Variants in AGMO observed in about 807,000 individuals in gnomAD.
AGMO encodes alkylglycerol monooxygenase, also known as glyceryl-ether monooxygenase.
AGMO carries 75 observed loss-of-function variants against 60.2 expected under a neutral mutation model. That is an observed-to-expected ratio of 1.25 (90% CI 1.03 to 1.51). The LOEUF (loss-of-function observed/expected upper bound fraction) is 1.51. Among genes scored for constraint, AGMO ranks in the 40% most tolerant of loss-of-function variants. AGMO has a pLI of 0.00. For synonymous variants in AGMO, 261 were observed against 177.1 expected, an observed-to-expected ratio of 1.47 and a Z score of -3.76; for missense variants, 763 against 525.5, an observed-to-expected ratio of 1.45 and a Z score of -4.42.
chr7:15,192,599 C>T, the AGMO span, among the ~76,000 whole-genome samples: 1 of 152,104 alleles, frequency 6.6e-6, no homozygotes, highest in Admixed American at 6.5e-5. Context: ...GGTCCAGGTA[C>T]CAAGAGCGCA....
At chr7:15,151,122 G>C in the AGMO span, among the ~76,000 whole-genome samples, 1 of 152,006 alleles carries the variant, frequency 6.6e-6, no homozygotes, top group Admixed American at 6.6e-5. Context: ...GTTCACAATA[G>C]TCTCTAAGTT....
the AGMO span, among the ~76,000 whole-genome samples, chr7:15,121,445 A>G: frequency 6.6e-6 from 1 of 152,176 alleles, no homozygotes; most frequent in Non-Finnish European, 1.5e-5. Flanking sequence ...CCAACAGTGT[A>G]AAAGCGTTCC....
At chr7:15,401,869 C>A (rs1411189562) in intron 5 of AGMO, among the ~76,000 whole-genome samples, 3 of 151,988 alleles carry the variant, frequency 2.0e-5, no homozygotes, top group Non-Finnish European at 4.4e-5. Flanking sequence ...GAAATGAAAT[C>A]TCATAGTGGA....
chr7:15,422,345 A>C (rs940864764), intron 4 of AGMO, among the ~76,000 whole-genome samples: 2 of 152,056 alleles, frequency 1.3e-5, no homozygotes. Flanking sequence ...TGAAAGGAAG[A>C]GGGAAAATGC....
intron 2 of AGMO, among the ~76,000 whole-genome samples, chr7:15,559,581 C>T (rs545395217): frequency 3.9e-5 from 6 of 152,020 alleles, no homozygotes; most frequent in South Asian, 4.2e-4. Flanking sequence ...GGAGAGTGGA[C>T]GATCCAAAAG....
Position 15,416,031 on chromosome 7 carries a change from T to TC in AGMO, c.609+2526_609+2527insG, listed in dbSNP as rs1194100223. ...TTGTTTTTCTTTTCTTTTTTTCTTT[T>TC]TTTTTTTTTTTTTGGAGGTGGGCAG... On this transcript the variant is annotated intron_variant, in intron 5 of 12. Transcript: ENST00000342526. Among the ~76,000 whole-genome samples, 9 of 147,178 alleles carry TC rather than the reference T, an allele frequency of 6.1e-5. 1 individual carries two copies. Among genetic ancestry groups the TC allele is most frequent in the Admixed American group, 2.0e-4 (3 of 14,866 alleles).
At chr7:15,306,580 A>G (rs1288910167) in intron 12 of AGMO, 1 of 439,254 alleles carries the variant, frequency 2.3e-6, no homozygotes, top group East Asian at 7.2e-5. Context: ...GTAAAAAAAA[A>G]AAAGCATTAC....
At chr7:15,178,567 G>T in the AGMO span, among the ~76,000 whole-genome samples, 1 of 151,622 alleles carries the variant, frequency 6.6e-6, no homozygotes, top group African/African-American at 2.4e-5. Flanking sequence ...TCCTCTATCT[G>T]GTGTTTCTTC....
intron 5 of AGMO, among the ~76,000 whole-genome samples, chr7:15,394,826 G>A (rs75591571): frequency 0.041 from 6,196 of 152,106 alleles, 155 homozygotes; most frequent in Middle Eastern, 0.051. Flanking sequence ...ACCTTTAGAG[G>A]CATGGTCTAC....
chr7:15,521,255 T>A (rs1422470757), intron 3 of AGMO, among the ~76,000 whole-genome samples: 1 of 152,170 alleles, frequency 6.6e-6, no homozygotes. Context: ...CACAGCCGAA[T>A]TCTACCAGAG....
intron 5 of AGMO, among the ~76,000 whole-genome samples, chr7:15,404,303 T>C (rs867691517): frequency 6.6e-6 from 1 of 151,912 alleles, no homozygotes; most frequent in Non-Finnish European, 1.5e-5. Flanking sequence ...TATGATTACA[T>C]TATTCTTCAA....
chr7:15,430,973 T>G, intron 4 of AGMO, 32 bp downstream of exon 4: 1 of 1,168,214 alleles, frequency 8.6e-7, no homozygotes, highest in Non-Finnish European at 1.2e-6. Flanking sequence ...ACAAATTAGA[T>G]TACCATGTTT....
the AGMO span, among the ~76,000 whole-genome samples, chr7:15,185,876 C>T: frequency 6.6e-6 from 1 of 152,120 alleles, no homozygotes; most frequent in Admixed American, 6.6e-5. Context: ...TCCAAAAGTT[C>T]GAGGTATGCT....
intron 5 of AGMO, among the ~76,000 whole-genome samples, chr7:15,410,968 C>G (rs1219716379): frequency 6.6e-6 from 1 of 151,920 alleles, no homozygotes; most frequent in African/African-American, 2.4e-5. Flanking sequence ...CATATTGAAA[C>G]TTACTTGCTA....
intron 12 of AGMO, among the ~76,000 whole-genome samples, chr7:15,332,164 C>A (rs947275915): frequency 7.2e-5 from 11 of 152,074 alleles, no homozygotes; most frequent in African/African-American, 2.7e-4. Flanking sequence ...AATAAACTTA[C>A]AATCGTGTTA....
At chr7:15,393,583 T>G (rs978544315) in intron 6 of AGMO, among the ~76,000 whole-genome samples, 6 of 152,252 alleles carry the variant, frequency 3.9e-5, no homozygotes, top group African/African-American at 1.4e-4. Context: ...TGTTGTTACT[T>G]AAGTTGGTGT....
chr7:15,189,564 G>A, the AGMO span, among the ~76,000 whole-genome samples: 1 of 152,000 alleles, frequency 6.6e-6, no homozygotes, highest in African/African-American at 2.4e-5. Flanking sequence ...GTTTTTTGAA[G>A]TGAAGTCAGC....
Position 15,545,471 on chromosome 7 carries a change from T to C in AGMO, c.258-548A>G, listed in dbSNP as rs185029268. ...TCTTCTCTTCTTCCTCCTTCCTTTT[T>C]ATTTTCTCTTTCACACACACACATA... is the stretch of plus-strand genomic sequence containing the variant. On this transcript the variant is annotated intron_variant, in intron 2 of 12. Coordinates refer to ENST00000342526, the MANE Select transcript of AGMO (RefSeq NM_001004320.2). Among the ~76,000 whole-genome samples the C allele has an allele frequency of 9.9e-5, 15 of 152,078 alleles. No individual in the cohort carries two copies. The East Asian group carries it at 2.1e-3, about 22-fold the overall frequency.
intron 3 of AGMO, among the ~76,000 whole-genome samples, chr7:15,533,983 G>C (rs1025263851): frequency 3.3e-5 from 5 of 151,952 alleles, no homozygotes; most frequent in Admixed American, 6.6e-5. Context: ...TGCAGATTTC[G>C]AGAGAATAAA....
Sources: gnomAD v4.1 joint callset for allele counts (sites outside exome capture counted in the v4.1 genomes callset) on GRCh38, gnomAD v4.1.1 for gene constraint, MANE v1.5 for transcripts, NCBI Gene and HGNC (gene_info 2026-07-23, HGNC 2026-07-21) for gene names.